Variants in SCAPER observed in about 807,000 individuals in gnomAD.
The protein encoded by SCAPER is S phase cyclin A-associated protein in the endoplasmic reticulum.
Under a neutral mutation model 182.2 loss-of-function variants are expected in SCAPER, and 98 were observed. The ratio of observed to expected loss-of-function variants is 0.54; its 90% CI spans 0.46 to 0.64. The LOEUF (loss-of-function observed/expected upper bound fraction) is 0.64, where lower values mean the gene tolerates loss of function less well. Among genes scored for constraint, SCAPER ranks in the 30% least tolerant of loss-of-function variants. The pLI is 0.00. For missense variants in SCAPER, 1,432 were observed against 1,690.0 expected, an observed-to-expected ratio of 0.85 and a Z score of 2.68; for synonymous variants, 605 against 564.6, an observed-to-expected ratio of 1.07 and a Z score of -1.01.
intron 23 of SCAPER, among the ~76,000 whole-genome samples, chr15:76,512,101 C>T (rs1052033564): frequency 3.3e-5 from 5 of 151,442 alleles, no homozygotes; most frequent in East Asian, 2.0e-4. Context: ...TTGGTCAGGC[C>T]GGTCTCGAAC....
chr15:76,643,315 C>T (rs1447258067), intron 21 of SCAPER, among the ~76,000 whole-genome samples: 1 of 152,210 alleles, frequency 6.6e-6, no homozygotes, highest in Admixed American at 6.5e-5. Context: ...ACTTGAACTA[C>T]TGTTCAACGA....
chr15:76,492,649 A>T (rs1359885091), intron 24 of SCAPER, among the ~76,000 whole-genome samples: 4 of 152,158 alleles, frequency 2.6e-5, no homozygotes, highest in Non-Finnish European at 5.9e-5. Context: ...GAAGATATTA[A>T]ATTAGTGCAA....
intron 26 of SCAPER, among the ~76,000 whole-genome samples, chr15:76,422,420 T>G (rs1229982767): frequency 6.6e-6 from 1 of 152,226 alleles, no homozygotes; most frequent in Non-Finnish European, 1.5e-5. Context: ...GCTCTCTGTT[T>G]GTCTGTTACT....
chr15:76,723,312 C>G (rs371263357), intron 17 of SCAPER, among the ~76,000 whole-genome samples: 2 of 151,956 alleles, frequency 1.3e-5, no homozygotes, highest in East Asian at 1.9e-4. Flanking sequence ...TATAATTTCT[C>G]TTCTTTTACA....
intron 17 of SCAPER, among the ~76,000 whole-genome samples, chr15:76,712,191 G>C (rs2059622355): frequency 6.6e-6 from 1 of 152,130 alleles, no homozygotes; most frequent in African/African-American, 2.4e-5. Context: ...TTATTAAATA[G>C]GGAATCCTTT....
intron 25 of SCAPER, among the ~76,000 whole-genome samples, chr15:76,443,601 C>G (rs1596649411): frequency 6.6e-6 from 1 of 152,294 alleles, no homozygotes; most frequent in East Asian, 1.9e-4. Flanking sequence ...ATTTTGTGCT[C>G]TAATTGAAGG....
chr15:76,501,300 CA>C (rs886596787), intron 24 of SCAPER, among the ~76,000 whole-genome samples: 1 of 136,294 alleles, frequency 7.3e-6, no homozygotes, highest in African/African-American at 2.7e-5. Context: ...AGAAAGGTTT[CA>C]AAAAGTTACA....
intron 27 of SCAPER, among the ~76,000 whole-genome samples, chr15:76,399,928 C>A (rs1188215070): frequency 6.6e-6 from 1 of 151,582 alleles, no homozygotes; most frequent in Non-Finnish European, 1.5e-5. Context: ...TAACTTGAAC[C>A]CAGGAAGCAG....
At chr15:76,854,788 T>C (rs2071159085) in intron 4 of SCAPER, among the ~76,000 whole-genome samples, 2 of 126,054 alleles carry the variant, frequency 1.6e-5, no homozygotes, top group South Asian at 6.0e-4. Context: ...TGAAACCCCA[T>C]CTCTACTAAA....
At chr15:76,519,093 G>A (rs1269852497) in intron 23 of SCAPER, among the ~76,000 whole-genome samples, 14 of 152,120 alleles carry the variant, frequency 9.2e-5, no homozygotes, top group Admixed American at 9.2e-4. Flanking sequence ...GAGGACACCC[G>A]ACCATTAAAT....
chr15:76,416,127 T>C (rs965543348), intron 26 of SCAPER, among the ~76,000 whole-genome samples: 7 of 151,872 alleles, frequency 4.6e-5, no homozygotes, highest in Non-Finnish European at 7.4e-5. Context: ...ACTTACAAAA[T>C]AGTAAAAATG....
intron 17 of SCAPER, among the ~76,000 whole-genome samples, chr15:76,722,297 A>C (rs2060294088): frequency 6.6e-6 from 1 of 152,178 alleles, no homozygotes; most frequent in South Asian, 2.1e-4. Flanking sequence ...ATGGTGGATA[A>C]GCTTTTCGAT....
In SCAPER at chr15:76,524,717, T is replaced by TTTA. The variant is rs1491471884; in HGVS notation, c.2839-19744_2839-19743insTAA. Among the ~76,000 whole-genome samples the TTTA allele has an allele frequency of 2.9e-5, 3 of 101,822 alleles. 1 individual carries two copies. Among genetic ancestry groups the TTTA allele is most frequent in the African/African-American group, 1.1e-4 (3 of 28,042 alleles). 66.8% of individuals were successfully genotyped at this position (101,822 alleles called of 152,430 possible). On this transcript the variant is annotated intron_variant, in intron 23 of 31. Transcript: ENST00000563290. ...TTTTTTTTTTTTTTTTTTTTTTTTT[T>TTTA]ACCATTCATGTAAAGACTTACCAAT...
intron 25 of SCAPER, among the ~76,000 whole-genome samples, chr15:76,442,469 C>T (rs2047681635): frequency 6.6e-6 from 1 of 152,164 alleles, no homozygotes; most frequent in African/African-American, 2.4e-5. Context: ...GGAGCACTGT[C>T]CTGGGAGGCC....
intron 25 of SCAPER, among the ~76,000 whole-genome samples, chr15:76,439,322 G>A (rs147686291): frequency 1.4e-4 from 22 of 152,182 alleles, no homozygotes; most frequent in East Asian, 3.9e-4. Context: ...CAAGCAATCC[G>A]ACCACCTTAG....
At chr15:76,525,919 C>G (rs1334806416) in intron 23 of SCAPER, among the ~76,000 whole-genome samples, 2 of 152,166 alleles carry the variant, frequency 1.3e-5, no homozygotes, top group Non-Finnish European at 2.9e-5. Context: ...GTTTTAAGTT[C>G]TTCAAGAAAT....
intron 24 of SCAPER, among the ~76,000 whole-genome samples, chr15:76,500,170 C>T (rs1040168266): frequency 1.3e-5 from 2 of 152,190 alleles, no homozygotes; most frequent in Non-Finnish European, 2.9e-5. Context: ...TCTGACACTA[C>T]AGCCTACACA....
At chr15:76,370,941 G>A (rs954123855) in intron 29 of SCAPER, among the ~76,000 whole-genome samples, 1 of 152,128 alleles carries the variant, frequency 6.6e-6, no homozygotes, top group African/African-American at 2.4e-5. Flanking sequence ...GTACTGTCTT[G>A]GTGAACCCGC....
intron 26 of SCAPER, among the ~76,000 whole-genome samples, chr15:76,410,581 C>A (rs1259845111): frequency 1.3e-5 from 2 of 152,170 alleles, no homozygotes; most frequent in African/African-American, 4.8e-5. Flanking sequence ...TAAAATAGTC[C>A]TAAATCCTTC....
Sources: allele counts gnomAD v4.1 joint callset (sites outside exome capture counted in the v4.1 genomes callset), GRCh38; gene constraint gnomAD v4.1.1; transcripts MANE v1.5; gene names NCBI Gene and HGNC (gene_info 2026-07-23, HGNC 2026-07-21).